SLIT3: variants seen among roughly 807,000 people sequenced by gnomAD.
SLIT3 encodes slit homolog 3 protein.
A neutral mutation model predicts 184.0 loss-of-function variants in SLIT3; 68 were observed. The observed-to-expected ratio is 0.37, with a 90% CI of 0.30 to 0.45. SLIT3 has a LOEUF of 0.45. Among genes scored for constraint, SLIT3 ranks in the 20% least tolerant of loss-of-function variants. SLIT3 has a pLI of 1.00. For missense variants in SLIT3, 1,707 were observed against 2,026.0 expected, an observed-to-expected ratio of 0.84 and a Z score of 3.02; for synonymous variants, 831 against 828.6, an observed-to-expected ratio of 1.00 and a Z score of -0.05.
intron 4 of SLIT3, among the ~76,000 whole-genome samples, chr5:168,982,105 G>C (rs1014835990): frequency 1.3e-5 from 2 of 152,124 alleles, no homozygotes; most frequent in African/African-American, 4.8e-5. Context: ...TGTGCATTCT[G>C]ATATTTTTTG....
At chr5:168,849,517 C>G (rs1758598702) in intron 5 of SLIT3, among the ~76,000 whole-genome samples, 1 of 152,150 alleles carries the variant, frequency 6.6e-6, no homozygotes, top group African/African-American at 2.4e-5. Flanking sequence ...TACTAGAAAC[C>G]CAAAGCAAGT....
At chr5:168,906,902 C>T (rs529995752) in intron 4 of SLIT3, among the ~76,000 whole-genome samples, 1 of 152,058 alleles carries the variant, frequency 6.6e-6, no homozygotes, top group South Asian at 2.1e-4. Context: ...ACTCTGCTGC[C>T]CAGGCTGGAG....
chr5:169,246,777 G>C (rs1765606048), intron 2 of SLIT3, among the ~76,000 whole-genome samples: 1 of 151,700 alleles, frequency 6.6e-6, no homozygotes, highest in Admixed American at 6.6e-5. Flanking sequence ...AAATGAGCTG[G>C]GTGTGGTGGT....
At chr5:169,036,656 G>C (rs1296072543) in intron 4 of SLIT3, among the ~76,000 whole-genome samples, 1 of 145,908 alleles carries the variant, frequency 6.9e-6, no homozygotes, top group Non-Finnish European at 1.5e-5. Context: ...CTTGTTAATA[G>C]TAATTTTTTT....
intron 4 of SLIT3, among the ~76,000 whole-genome samples, chr5:169,118,043 G>T (rs1760750653): frequency 6.6e-6 from 1 of 152,170 alleles, no homozygotes; most frequent in African/African-American, 2.4e-5. Context: ...TGGGGGTGGT[G>T]GTTCACACCT....
At chr5:169,216,463 G>A (rs1424760179) in intron 3 of SLIT3, among the ~76,000 whole-genome samples, 2 of 152,212 alleles carry the variant, frequency 1.3e-5, no homozygotes. Flanking sequence ...AACTTGAAAA[G>A]TGTGAGAAAA....
intron 4 of SLIT3, among the ~76,000 whole-genome samples, chr5:168,889,824 TATAAA>T (rs1182727953): frequency 6.6e-6 from 1 of 152,122 alleles, no homozygotes; most frequent in Non-Finnish European, 1.5e-5. Context: ...CTTCTACAAA[TATAAA>T]ATAAACATCT....
chr5:168,727,131 C>T (rs1030426391), intron 20 of SLIT3, among the ~76,000 whole-genome samples: 1 of 151,872 alleles, frequency 6.6e-6, no homozygotes, highest in African/African-American at 2.4e-5. Flanking sequence ...AGCAGCCTGG[C>T]CAACATGGCA....
intron 4 of SLIT3, among the ~76,000 whole-genome samples, chr5:169,040,113 C>T (rs942520408): frequency 4.6e-5 from 7 of 152,170 alleles, no homozygotes; most frequent in Non-Finnish European, 1.0e-4. Context: ...CCTCACAACA[C>T]GTAATCTAAT....
chr5:169,031,406 T>A (rs1757021609), intron 4 of SLIT3, among the ~76,000 whole-genome samples: 1 of 151,050 alleles, frequency 6.6e-6, no homozygotes, highest in African/African-American at 2.5e-5. Flanking sequence ...CTGAAACAGA[T>A]AATCTTACCA....
In SLIT3 at chr5:169,105,849, G is replaced by C. The variant is rs373947483; in HGVS notation, c.413+87630C>G. Among the ~76,000 whole-genome samples the C allele has an allele frequency of 3.4e-3, 522 of 152,260 alleles. 8 individuals carry two copies. Among genetic ancestry groups the C allele is most frequent in the Middle Eastern group, 0.01 (3 of 294 alleles). ...ATATGTGCCACAATTTCTGTATCCA[G>C]TCTACCATTGATGGGCACTTAGGTT... On this transcript the variant is annotated intron_variant, in intron 4 of 35. Transcript: ENST00000519560.
chr5:168,679,351 C>A (rs1761510930), intron 32 of SLIT3, among the ~76,000 whole-genome samples: 2 of 152,144 alleles, frequency 1.3e-5, no homozygotes, highest in South Asian at 4.1e-4. Flanking sequence ...AGCCACCATG[C>A]CTGGCTTTCT....
chr5:169,276,237 A>G (rs1766801058), intron 1 of SLIT3, among the ~76,000 whole-genome samples: 1 of 152,122 alleles, frequency 6.6e-6, no homozygotes, highest in Non-Finnish European at 1.5e-5. Context: ...TTAAAGGCCA[A>G]ATTGTGGTCT....
chr5:168,703,444 C>T (rs1405511964), intron 26 of SLIT3, among the ~76,000 whole-genome samples: 1 of 152,060 alleles, frequency 6.6e-6, no homozygotes, highest in Non-Finnish European at 1.5e-5. Context: ...TCAGGTCAGC[C>T]GTGGCGTTAG....
At chr5:168,822,348 G>A (rs1477126295) in intron 7 of SLIT3, among the ~76,000 whole-genome samples, 1 of 152,160 alleles carries the variant, frequency 6.6e-6, no homozygotes, top group Non-Finnish European at 1.5e-5. Flanking sequence ...TATAGAGGAG[G>A]GAACAGAGGA....
chr5:168,919,259 CAA>C (rs372846427), intron 4 of SLIT3, among the ~76,000 whole-genome samples: 16 of 87,716 alleles, frequency 1.8e-4, no homozygotes, highest in Admixed American at 2.6e-4. Context: ...GACTCCATCT[CAA>C]AAAAAAAAAA....
rs1264863677 is a variant in SLIT3 at position 169,141,528 on chromosome 5, AGGAGATCGAGACCATCCT to A, written c.413+51933_413+51950del. Among the ~76,000 whole-genome samples the A allele has an allele frequency of 2.0e-5, 3 of 151,654 alleles. No individual in the cohort carries two copies. The East Asian group carries it at 5.8e-4, about 29-fold the overall frequency. On this transcript the variant is annotated intron_variant, in intron 4 of 35. Transcript: ENST00000519560. ...GCCAAGGTGGGCAGATCACGAGTTCAGGAGATCGAGACCATCCTGGCTAACACGGTGAAACCCTGTGTC... is the reference window on the plus strand; with the variant it reads ...GCCAAGGTGGGCAGATCACGAGTTCAGGCTAACACGGTGAAACCCTGTGTC...
intron 3 of SLIT3, among the ~76,000 whole-genome samples, chr5:169,240,579 C>CTTTTTTTTTTTTTTTTTTTTTTT (rs67955225): frequency 1.7e-5 from 2 of 114,354 alleles, no homozygotes; most frequent in Non-Finnish European, 3.5e-5. Context: ...CTATCATTTT[C>CTTTTTTTTTTTTTTTTTTTTTTT]TTTTTTTTTT....
chr5:168,794,899 C>A (rs1049387979), intron 10 of SLIT3, among the ~76,000 whole-genome samples: 1 of 152,134 alleles, frequency 6.6e-6, no homozygotes, highest in Non-Finnish European at 1.5e-5. Flanking sequence ...CACATAGAGA[C>A]CTTCATAGGC....
Sources: gnomAD v4.1 joint callset for allele counts (sites outside exome capture counted in the v4.1 genomes callset) on GRCh38, gnomAD v4.1.1 for gene constraint, MANE v1.5 for transcripts, NCBI Gene and HGNC (gene_info 2026-07-23, HGNC 2026-07-21) for gene names.